DNAH9: variants seen among roughly 807,000 people sequenced by gnomAD.
The protein encoded by DNAH9 is dynein axonemal heavy chain 9, also known as DNAH9 variant protein.
Under a neutral mutation model 471.6 loss-of-function variants are expected in DNAH9, and 345 were observed. The observed-to-expected ratio is 0.73, with a 90% CI of 0.67 to 0.80. The LOEUF is 0.80. Among genes scored for constraint, DNAH9 ranks in the 30% least tolerant of loss-of-function variants. The probability of loss-of-function intolerance (pLI) is 0.00; values close to 1 mark genes in which losing one functional copy is unlikely to be tolerated. For synonymous variants in DNAH9, 2,093 were observed against 2,123.6 expected (o/e 0.99, Z 0.40); for missense variants, 5,407 against 5,609.2 (o/e 0.96, Z 1.15).
At chr17:11,788,108 T>C (rs1196307384) in intron 41 of DNAH9, among the ~76,000 whole-genome samples, 1 of 152,222 alleles carries the variant, frequency 6.6e-6, no homozygotes, top group Non-Finnish European at 1.5e-5. Flanking sequence ...TCAGCCTTAA[T>C]TGTCAACCAC....
chr17:11,623,929 T>G lies in DNAH9; in HGVS notation c.1350+4148T>G, dbSNP rs2150663636. The stretch of plus-strand genomic sequence containing the variant: ...ACTCTTTTTGCACAAGAGAATTTTG[T>G]TGTGCACATCCACTCTTCCTCTCTG... On this transcript the variant is annotated intron_variant, in intron 6 of 68. Transcript: ENST00000262442. This position sits in a 1 kb window ranked among gnomAD's most constrained non-coding sequence, Gnocchi z 4.1. Among the ~76,000 whole-genome samples the G allele has an allele frequency of 6.6e-6, 1 of 152,296 alleles. No individual in the cohort carries two copies. The highest frequency in any genetic ancestry group is 3.4e-3 in the Middle Eastern group (1 of 294).
rs1405619959 is a variant in DNAH9, at chr17:11,752,867, C to T, written c.6645C>T (p.Asn2215=). ...CTTCCATCATGCGGGAGCTTGCCAA[C>T]ATCACCCATGATGGGCCCAAGTGGA... ...LFSSIMRELA[N]ITHDGPKWIL... is the part of the protein sequence containing the mutation. The change falls in exon 33 of 69, where the codon AAC becomes AAT. Residue 2215 remains asparagine (N), a synonymous_variant. Transcript: ENST00000262442. 1.2e-6 allele frequency: 2 copies of T among 1,607,184 alleles called. No homozygotes were observed. Among genetic ancestry groups the T allele is most frequent in the East Asian group, 4.5e-5 (2 of 44,708 alleles).
Position 11,867,415 on chromosome 17 carries a change from C to T in DNAH9, c.9934-1719C>T, listed in dbSNP as rs920750082. On this transcript the variant is annotated intron_variant, in intron 50 of 68. Coordinates refer to ENST00000262442, the MANE Select transcript of DNAH9 (RefSeq NM_001372.4). ...CTCAAATTCTCCTTTTAACCTTTCC[C>T]TTGATTTTGTTATATTTTATATTAA... Among the ~76,000 whole-genome samples, 5 of 152,166 alleles carry T rather than the reference C, an allele frequency of 3.3e-5. No individual in the cohort carries two copies. In the East Asian group the frequency reaches 9.7e-4, roughly 29 times the overall value.
intron 30 of DNAH9, among the ~76,000 whole-genome samples, chr17:11,744,324 A>G (rs1258158610): frequency 2.6e-5 from 4 of 152,260 alleles, no homozygotes; most frequent in Admixed American, 2.0e-4. Flanking sequence ...AGACCCTACT[A>G]GCAGCACTGT....
chr17:11,920,035 C>CTTT (rs1165405913), intron 61 of DNAH9, among the ~76,000 whole-genome samples: 7 of 135,930 alleles, frequency 5.1e-5, no homozygotes, highest in African/African-American at 8.2e-5. Flanking sequence ...TAAGTTCTTT[C>CTTT]TTTTTTTTTT....
chr17:11,652,740 T>A, intron 13 of DNAH9, 21 bp from the exon 14 acceptor site: 1 of 1,609,262 alleles, frequency 6.2e-7, no homozygotes, highest in Non-Finnish European at 8.5e-7. Context: ...TTCAATTAAT[T>A]ATGTTTCTTT....
intron 42 of DNAH9, 70 bp downstream of exon 42, chr17:11,793,734 A>AG: frequency 3.2e-6 from 4 of 1,259,492 alleles, no homozygotes; most frequent in Non-Finnish European, 4.4e-6. Flanking sequence ...TGATCACCCA[A>AG]TGATAAAATC....
chr17:11,601,531 C>A lies in DNAH9; in HGVS notation c.417+2616C>A, dbSNP rs79651636. On this transcript the variant is annotated intron_variant, in intron 1 of 68. Coordinates refer to ENST00000262442, the MANE Select transcript of DNAH9 (RefSeq NM_001372.4). ...TGTAAATGTATTACCTATTTTAAAA[C>A]CTAAATAAATAACTTATTTTAAAAA... 6.7e-3 allele frequency among the ~76,000 whole-genome samples: 1,021 copies of A among 152,294 alleles called. 10 individuals carry two copies. The highest frequency in any genetic ancestry group is 0.024 in the African/African-American group (980 of 41,566).
At chr17:11,842,923 A>T (rs1971079190) in intron 49 of DNAH9, among the ~76,000 whole-genome samples, 1 of 152,250 alleles carries the variant, frequency 6.6e-6, no homozygotes, top group African/African-American at 2.4e-5. Context: ...TTGACACTTC[A>T]TGTTAACCAT....
intron 49 of DNAH9, among the ~76,000 whole-genome samples, chr17:11,844,696 C>T (rs1984767): frequency 0.018 from 2,740 of 152,280 alleles, 79 homozygotes; most frequent in African/African-American, 0.062. Flanking sequence ...TGAGCCACCA[C>T]ACCCAGCCAG....
At chr17:11,795,697 C>T (rs1173620689) in intron 42 of DNAH9, among the ~76,000 whole-genome samples, 4 of 152,206 alleles carry the variant, frequency 2.6e-5, no homozygotes, top group African/African-American at 9.6e-5. Context: ...TCATTGTTGG[C>T]CTGGCAAATT....
At chr17:11,845,252 G>A (rs1391140720) in intron 49 of DNAH9, among the ~76,000 whole-genome samples, 5 of 115,364 alleles carry the variant, frequency 4.3e-5, no homozygotes, top group Admixed American at 3.5e-4. Context: ...GAGAATATGC[G>A]GTGTTTGGTT....
At chr17:11,905,836 G>C (rs1202848800) in intron 61 of DNAH9, 27 bp downstream of exon 61, 1 of 1,584,842 alleles carries the variant, frequency 6.3e-7, no homozygotes, top group Admixed American at 1.8e-5. Flanking sequence ...CTTGGAGCCA[G>C]GGCTGCATTT....
chr17:11,723,507 G>A (rs1341145187), intron 27 of DNAH9: 3 of 152,084 alleles, frequency 2.0e-5, no homozygotes, highest in Non-Finnish European at 4.4e-5. Flanking sequence ...TTAGGGTCCT[G>A]GGGTTCAGCC....
Position 11,608,213 on chromosome 17 carries a change from A to G in DNAH9, c.502A>G (p.Ser168Gly). The change falls in exon 2 of 69, where the codon AGC becomes GGC. Residue 168 changes from serine to glycine, a missense_variant. Physicochemically the swap from Ser to Gly is moderately conservative, Grantham distance 56. Coordinates refer to ENST00000262442, the MANE Select transcript of DNAH9 (RefSeq NM_001372.4). Reference sequence around the variant, plus strand: ...TGAGGATGTCAGGCGGCACGCCCACAGCCTCCAATGTGACCTCTCAGTTAT... The same window carrying G: ...TGAGGATGTCAGGCGGCACGCCCACGGCCTCCAATGTGACCTCTCAGTTAT... ...ICEDVRRHAH[S>G]LQCDLSVILE... 6.2e-7 allele frequency: 1 copy of G among 1,614,034 alleles called. No individual in the cohort carries two copies. The highest frequency in any genetic ancestry group is 1.7e-4 in the Middle Eastern group (1 of 6,058).
At chr17:11,699,112 G>T (rs2074546493) in intron 22 of DNAH9, among the ~76,000 whole-genome samples, 1 of 152,126 alleles carries the variant, frequency 6.6e-6, no homozygotes, top group African/African-American at 2.4e-5. Context: ...AGCTGGGCAT[G>T]GTGGCACACA....
intron 66 of DNAH9, among the ~76,000 whole-genome samples, chr17:11,939,393 C>T (rs1974822923): frequency 6.6e-6 from 1 of 152,174 alleles, no homozygotes; most frequent in Non-Finnish European, 1.5e-5. Context: ...CCCAGCTAAC[C>T]CAAGAAATGG....
chr17:11,952,802 G>A (rs1022771064), intron 67 of DNAH9, among the ~76,000 whole-genome samples: 2 of 152,090 alleles, frequency 1.3e-5, no homozygotes, highest in Non-Finnish European at 2.9e-5. Context: ...GGCTGTATGA[G>A]TCAGGTACAG....
intron 57 of DNAH9, among the ~76,000 whole-genome samples, chr17:11,889,410 C>T (rs1597793300): frequency 6.6e-6 from 1 of 152,192 alleles, no homozygotes; most frequent in African/African-American, 2.4e-5. Context: ...ATTATGGCTT[C>T]TCATGAAGGT....
Sources: gnomAD v4.1 joint callset for allele counts (sites outside exome capture counted in the v4.1 genomes callset) on GRCh38, gnomAD v4.1.1 for gene constraint, Gnocchi (gnomAD v3.1) non-coding constraint, MANE v1.5 for transcripts, NCBI Gene and HGNC (gene_info 2026-07-23, HGNC 2026-07-21) for gene names.